The following ST3GAL4 variants were observed in gnomAD, a reference collection of about 807,000 sequenced individuals.
The protein encoded by ST3GAL4 is CMP-N-acetylneuraminate-beta-galactosamide-alpha-2,3-sialyltransferase 4.
In ST3GAL4, 24 loss-of-function variants were observed where a neutral mutation model predicts 42.6. That is an observed-to-expected ratio of 0.56 (90% CI 0.41 to 0.79). ST3GAL4 has a LOEUF of 0.79. ST3GAL4 is among the 30% of genes least tolerant of loss of function. The pLI is 0.00. For synonymous variants in ST3GAL4, 135 were observed against 163.2 expected, an observed-to-expected ratio of 0.83 and a Z score of 1.32; for missense variants, 311 against 430.8, an observed-to-expected ratio of 0.72 and a Z score of 2.46.
chr11:126,409,255 C>A lies in ST3GAL4; in HGVS notation c.628-13C>A, dbSNP rs989289637. ...CCCGCTTCTGTCTCTCTCTTCTGAC[C>A]CCATCCTCCTAGGTGCGAAAGGGTT... On this transcript the variant is annotated splice_polypyrimidine_tract_variant and intron_variant, in intron 8 of 10. Coordinates refer to ENST00000444328, the MANE Select transcript of ST3GAL4 (RefSeq NM_001254757.2). This position sits in a 1 kb window ranked among gnomAD's most constrained non-coding sequence, Gnocchi z 4.9. 17 of 1,613,648 alleles carry A rather than the reference C, an allele frequency of 1.1e-5. No homozygotes were observed. Among genetic ancestry groups the A allele is most frequent in the Non-Finnish European group, 1.4e-5 (17 of 1,179,582 alleles).
At chr11:126,369,877 A>T (rs144890732) in intron 1 of ST3GAL4, among the ~76,000 whole-genome samples, 1 of 152,328 alleles carries the variant, frequency 6.6e-6, no homozygotes, top group Non-Finnish European at 1.5e-5. Context: ...CTGAATATGC[A>T]TGTAATTCTT....
chr11:126,405,392 T>A (rs1455476186), intron 1 of ST3GAL4, among the ~76,000 whole-genome samples: 1 of 152,232 alleles, frequency 6.6e-6, no homozygotes, highest in Non-Finnish European at 1.5e-5. Flanking sequence ...TTGACTTCTC[T>A]TTGGCCAGCC....
rs1952742518 is a variant in ST3GAL4 at position 126,373,912 on chromosome 11, T to A, written c.-61+18070T>A. Among the ~76,000 whole-genome samples the A allele has an allele frequency of 6.6e-6, 1 of 152,094 alleles. No homozygotes were observed. Among genetic ancestry groups the A allele is most frequent in the African/African-American group, 2.4e-5 (1 of 41,412 alleles). On this transcript the variant is annotated intron_variant, in intron 1 of 10. Transcript: ENST00000444328. The surrounding 1 kb of genome is among the most constrained non-coding windows in gnomAD (Gnocchi z 5.5). ...ACTGTGCCGCAGGGGCCAGAAGATATCTGACCTACTGTCACTGCCTCTTCC... is the reference window on the plus strand; with the variant it reads ...ACTGTGCCGCAGGGGCCAGAAGATAACTGACCTACTGTCACTGCCTCTTCC...
At chr11:126,360,935 G>A (rs1952221477) in intron 1 of ST3GAL4, among the ~76,000 whole-genome samples, 1 of 152,176 alleles carries the variant, frequency 6.6e-6, no homozygotes, top group South Asian at 2.1e-4. Context: ...CCAGAGAAAG[G>A]TCTGGCCCCA....
In ST3GAL4 at chr11:126,383,517, C is replaced by T. The variant is rs1239108498; in HGVS notation, c.-60-22579C>T. Among the ~76,000 whole-genome samples the T allele has an allele frequency of 2.0e-5, 3 of 151,964 alleles. No homozygotes were observed. Among genetic ancestry groups the T allele is most frequent in the Non-Finnish European group, 4.4e-5 (3 of 67,974 alleles). Reference sequence around the variant, plus strand: ...CTGGCTTGGGGGGGCCCTCAAGCCCCGGAAGCTGTATGTGGGCATGGGGGG... The same window carrying T: ...CTGGCTTGGGGGGGCCCTCAAGCCCTGGAAGCTGTATGTGGGCATGGGGGG... On this transcript the variant is annotated intron_variant, in intron 1 of 10. Transcript: ENST00000444328. This position sits in a 1 kb window ranked among gnomAD's most constrained non-coding sequence, Gnocchi z 4.5.
chr11:126,386,143 G>A lies in ST3GAL4; in HGVS notation c.-60-19953G>A, dbSNP rs1953216947. On this transcript the variant is annotated intron_variant, in intron 1 of 10. Coordinates refer to ENST00000444328, the MANE Select transcript of ST3GAL4 (RefSeq NM_001254757.2). The surrounding 1 kb of genome is among the most constrained non-coding windows in gnomAD (Gnocchi z 4.7). ...TCATGTAGGCCTCCGGTTTATAGCC[G>A]GCTCCTCAGAGACATGGTTCTATCC... Among the ~76,000 whole-genome samples the A allele has an allele frequency of 2.6e-5, 4 of 152,206 alleles. 1 individual carries two copies. The highest frequency in any genetic ancestry group is 4.2e-4 in the South Asian group (2 of 4,812).
intron 1 of ST3GAL4, among the ~76,000 whole-genome samples, chr11:126,362,490 C>T (rs3967200): frequency 0.17 from 25,490 of 152,150 alleles, 2,292 homozygotes; most frequent in East Asian, 0.32. Context: ...TGTGAACTAC[C>T]GTGCTCCGCC....
intron 9 of ST3GAL4, among the ~76,000 whole-genome samples, chr11:126,412,110 G>T (rs897552167): frequency 1.2e-4 from 18 of 152,082 alleles, no homozygotes; most frequent in African/African-American, 4.3e-4. Context: ...GGGGCGGGGG[G>T]TGGTAACATA....
intron 9 of ST3GAL4, among the ~76,000 whole-genome samples, chr11:126,412,979 G>A (rs528029692): frequency 1.3e-5 from 2 of 152,310 alleles, no homozygotes; most frequent in East Asian, 3.9e-4. Flanking sequence ...TATGATGATG[G>A]CTGTCATTCT....
intron 1 of ST3GAL4, among the ~76,000 whole-genome samples, chr11:126,387,559 C>G (rs1402535297): frequency 6.6e-6 from 1 of 151,798 alleles, no homozygotes; most frequent in Non-Finnish European, 1.5e-5. Context: ...TGCGTGTGGT[C>G]GCAGCCACTG....
rs781343777 is a variant in ST3GAL4 at position 126,406,467 on chromosome 11, C to T, written c.17-6C>T. On this transcript the variant is annotated splice_polypyrimidine_tract_variant and splice_region_variant and intron_variant, in intron 2 of 10. Transcript: ENST00000444328. This position sits in a 1 kb window ranked among gnomAD's most constrained non-coding sequence, Gnocchi z 5.4. ...CCTCTAGCTCCTCTCTGCATGTGTCCTGCAGGCTGGAAGCTCCTGGCCATG... is the reference window on the plus strand; with the variant it reads ...CCTCTAGCTCCTCTCTGCATGTGTCTTGCAGGCTGGAAGCTCCTGGCCATG... 6.2e-7 allele frequency: 1 copy of T among 1,614,206 alleles called. No individual in the cohort carries two copies. The highest frequency in any genetic ancestry group is 2.2e-5 in the East Asian group (1 of 44,888).
intron 1 of ST3GAL4, among the ~76,000 whole-genome samples, chr11:126,368,867 T>C (rs560246761): frequency 6.6e-6 from 1 of 152,306 alleles, no homozygotes; most frequent in African/African-American, 2.4e-5. Context: ...CTGAATGGTG[T>C]TGCTGCTAAT....
chr11:126,400,503 G>A lies in ST3GAL4; in HGVS notation c.-60-5593G>A, dbSNP rs1362669526. ...AGGGATGTGGCAGCTACAGTGGGAGGGAAAAGGTGGCTCCCTTAGTGTGCT... is the reference window on the plus strand; with the variant it reads ...AGGGATGTGGCAGCTACAGTGGGAGAGAAAAGGTGGCTCCCTTAGTGTGCT... On this transcript the variant is annotated intron_variant, in intron 1 of 10. Coordinates refer to ENST00000444328, the MANE Select transcript of ST3GAL4 (RefSeq NM_001254757.2). The surrounding 1 kb of genome is among the most constrained non-coding windows in gnomAD (Gnocchi z 4.6). Among the ~76,000 whole-genome samples, 1 of 152,190 alleles carries A rather than the reference G, an allele frequency of 6.6e-6. No homozygotes were observed. Among genetic ancestry groups the A allele is most frequent in the Non-Finnish European group, 1.5e-5 (1 of 68,040 alleles).
Position 126,409,470 on chromosome 11 carries a change from A to T in ST3GAL4, c.771+59A>T, listed in dbSNP as rs1316361. On this transcript the variant is annotated intron_variant, in intron 9 of 10. Coordinates refer to ENST00000444328, the MANE Select transcript of ST3GAL4 (RefSeq NM_001254757.2). This position sits in a 1 kb window ranked among gnomAD's most constrained non-coding sequence, Gnocchi z 4.9. The stretch of plus-strand genomic sequence containing the variant: ...TCCTGGGCGGGAAGTAGGAGGGATG[A>T]TCCTATGGGCTTAGGAAGCCCTGGA... 503,028 of 1,609,542 alleles carry T rather than the reference A, an allele frequency of 0.31. 80,225 individuals carry two copies. Among genetic ancestry groups the T allele is most frequent in the East Asian group, 0.47 (21,252 of 44,804 alleles).
chr11:126,367,874 G>A (rs545132689), intron 1 of ST3GAL4, among the ~76,000 whole-genome samples: 76 of 152,272 alleles, frequency 5.0e-4, no homozygotes, highest in South Asian at 3.5e-3. Flanking sequence ...CAGGCCGGGT[G>A]TGGTGGCTCA....
chr11:126,409,164 TG>T lies in ST3GAL4; in HGVS notation c.628-103del. 1 of 1,443,058 alleles carries T rather than the reference TG, an allele frequency of 6.9e-7. No homozygotes were observed. Among genetic ancestry groups the T allele is most frequent in the Non-Finnish European group, 9.5e-7 (1 of 1,048,486 alleles). The allele number at this position is 1,443,058 out of a possible 1,614,324, so 89.4% of individuals were successfully genotyped here. A position where few individuals can be genotyped will look rare whatever the true frequency, so the allele number is the denominator to read the frequency against. On this transcript the variant is annotated intron_variant, in intron 8 of 10. Coordinates refer to ENST00000444328, the MANE Select transcript of ST3GAL4 (RefSeq NM_001254757.2). The surrounding 1 kb of genome is among the most constrained non-coding windows in gnomAD (Gnocchi z 4.9). ...CTCACCTTGTGCTCCTGAAGGCCTC[TG>T]CCATCGCTTGGACCCCCTCGCCTCG... is the stretch of plus-strand genomic sequence containing the variant.
chr11:126,390,107 C>T (rs1347649319), intron 1 of ST3GAL4, among the ~76,000 whole-genome samples: 51 of 482 alleles, frequency 0.11, no homozygotes, highest in African/African-American at 0.27. Context: ...AGCGTGAACC[C>T]GGGAGGCAGA....
At chr11:126,401,523 TC>T (rs1445950556) in intron 1 of ST3GAL4, among the ~76,000 whole-genome samples, 1 of 143,348 alleles carries the variant, frequency 7.0e-6, no homozygotes, top group Admixed American at 7.2e-5. Flanking sequence ...GCCACTTCAC[TC>T]CAGCCTGGGT....
At chr11:126,371,193 C>CTCACTCTG (rs1359342579) in intron 1 of ST3GAL4, among the ~76,000 whole-genome samples, 4 of 15,588 alleles carry the variant, frequency 2.6e-4, no homozygotes, top group Non-Finnish European at 5.2e-4. Flanking sequence ...GAGATGGAGT[C>CTCACTCTG]TCACTCTGTT....
Sources: allele counts gnomAD v4.1 joint callset (sites outside exome capture counted in the v4.1 genomes callset), GRCh38; gene constraint gnomAD v4.1.1; non-coding constraint Gnocchi (gnomAD v3.1); transcripts MANE v1.5; gene names NCBI Gene and HGNC (gene_info 2026-07-23, HGNC 2026-07-21).